Variants in GALNT18 observed in about 807,000 individuals in gnomAD.
GALNT18 encodes GalNAc-transferase 18.
GALNT18 carries 44 observed loss-of-function variants against 69.5 expected under a neutral mutation model. The ratio of observed to expected loss-of-function variants is 0.63; its 90% CI spans 0.50 to 0.81. The LOEUF (loss-of-function observed/expected upper bound fraction) is 0.81, where lower values mean the gene tolerates loss of function less well. GALNT18 is among the 40% of genes least tolerant of loss of function. The pLI, the probability that GALNT18 is intolerant of heterozygous loss-of-function variation, is 0.00. For synonymous variants in GALNT18, 364 were observed against 318.2 expected (o/e 1.14, Z -1.53); for missense variants, 715 against 810.0 (o/e 0.88, Z 1.42).
In GALNT18 at chr11:11,596,936, A is replaced by AT. The variant is rs936266027; in HGVS notation, c.235+24422dup. 5.3e-5 allele frequency among the ~76,000 whole-genome samples: 8 copies of AT among 152,154 alleles called. No individual in the cohort carries two copies. Among genetic ancestry groups the AT allele is most frequent in the South Asian group, 2.1e-4 (1 of 4,814 alleles). On this transcript the variant is annotated intron_variant, in intron 1 of 10. Coordinates refer to ENST00000227756, the MANE Select transcript of GALNT18 (RefSeq NM_198516.3). The surrounding 1 kb of genome is among the most constrained non-coding windows in gnomAD (Gnocchi z 4.2). ...CATTAAGTATGATGTTAGTTGTGGG[A>AT]TTTTTTGTAGATGTTCTTCATCAGG...
At chr11:11,290,432 T>G (rs1849276491) in intron 10 of GALNT18, among the ~76,000 whole-genome samples, 1 of 152,044 alleles carries the variant, frequency 6.6e-6, no homozygotes, top group Non-Finnish European at 1.5e-5. Context: ...TATCCTTATC[T>G]CCCACAGAAT....
At chr11:11,297,482 G>A (rs4075677) in intron 9 of GALNT18, among the ~76,000 whole-genome samples, 22,703 of 152,028 alleles carry the variant, frequency 0.15, 3,119 homozygotes, top group African/African-American at 0.37. Flanking sequence ...AGCCATATGT[G>A]CGACCACTCA....
At chr11:11,490,779 C>T (rs1856754524) in intron 1 of GALNT18, among the ~76,000 whole-genome samples, 1 of 152,212 alleles carries the variant, frequency 6.6e-6, no homozygotes, top group Non-Finnish European at 1.5e-5. Context: ...CCCTGTGCTG[C>T]ATTTGACTTG....
At position 11,592,875 on chromosome 11, in the gene GALNT18, T is replaced by C. The variant is rs571902607; in HGVS notation, c.235+28484A>G. 6.6e-6 allele frequency among the ~76,000 whole-genome samples: 1 copy of C among 152,306 alleles called. No individual in the cohort carries two copies. Among genetic ancestry groups the C allele is most frequent in the African/African-American group, 2.4e-5 (1 of 41,586 alleles). ...CTGGTTACCTTTCTTGTAGATAAAATGCTAAGGGTCAGACCAGAACAGAGG... is the reference window on the plus strand; with the variant it reads ...CTGGTTACCTTTCTTGTAGATAAAACGCTAAGGGTCAGACCAGAACAGAGG... On this transcript the variant is annotated intron_variant, in intron 1 of 10. Transcript: ENST00000227756. The surrounding 1 kb of genome is among the most constrained non-coding windows in gnomAD (Gnocchi z 5.9).
rs188999069 is a variant in GALNT18 at position 11,529,806 on chromosome 11, T to A, written c.236-80870A>T. Among the ~76,000 whole-genome samples the A allele has an allele frequency of 1.1e-4, 17 of 152,248 alleles. No homozygotes were observed. In the East Asian group the frequency reaches 3.3e-3, roughly 29 times the overall value. Reference sequence around the variant, plus strand: ...TGTATGTCTGTGAGTGTCTTAGAGATTGACCACATATGTATGAGTGTGTAT... The same window carrying A: ...TGTATGTCTGTGAGTGTCTTAGAGAATGACCACATATGTATGAGTGTGTAT... On this transcript the variant is annotated intron_variant, in intron 1 of 10. Transcript: ENST00000227756.
In GALNT18 at chr11:11,621,171, C is replaced by A. The variant is rs1860182493; in HGVS notation, c.235+188G>T. ...CACACACGTGTGCCCCGGGGAAGAG[C>A]GCACGGCCGCAGACAGAAGGTCCCG... On this transcript the variant is annotated intron_variant, in intron 1 of 10. Transcript: ENST00000227756. This position sits in a 1 kb window ranked among gnomAD's most constrained non-coding sequence, Gnocchi z 9.3. Among the ~76,000 whole-genome samples, 2 of 152,152 alleles carry A rather than the reference C, an allele frequency of 1.3e-5. No individual in the cohort carries two copies. The highest frequency in any genetic ancestry group is 6.5e-5 in the Admixed American group (1 of 15,286).
At chr11:11,544,749 C>T (rs1475965367) in intron 1 of GALNT18, among the ~76,000 whole-genome samples, 1 of 152,164 alleles carries the variant, frequency 6.6e-6, no homozygotes, top group Admixed American at 6.5e-5. Context: ...ATCACCTGGC[C>T]ACACCCTCCA....
intron 6 of GALNT18, among the ~76,000 whole-genome samples, chr11:11,343,896 A>C (rs1850254036): frequency 1.3e-5 from 2 of 152,134 alleles, no homozygotes; most frequent in Non-Finnish European, 2.9e-5. Context: ...GCCTTTAGAC[A>C]CGGTACAAGG....
In GALNT18 at chr11:11,573,245, T is replaced by A. The variant is rs1317674101; in HGVS notation, c.235+48114A>T. On this transcript the variant is annotated intron_variant, in intron 1 of 10. Transcript: ENST00000227756. The surrounding 1 kb of genome is among the most constrained non-coding windows in gnomAD (Gnocchi z 4.6). Reference sequence around the variant, plus strand: ...TGACATGGATGTCCCAGAGATTCCCTACACACAGCTTTCAATACTGAAGAT... The same window carrying A: ...TGACATGGATGTCCCAGAGATTCCCAACACACAGCTTTCAATACTGAAGAT... Among the ~76,000 whole-genome samples the A allele has an allele frequency of 6.6e-6, 1 of 152,184 alleles. No individual in the cohort carries two copies. Among genetic ancestry groups the A allele is most frequent in the Non-Finnish European group, 1.5e-5 (1 of 68,036 alleles).
chr11:11,446,667 C>A (rs1258282268), intron 2 of GALNT18, among the ~76,000 whole-genome samples: 1 of 152,234 alleles, frequency 6.6e-6, no homozygotes, highest in East Asian at 1.9e-4. Context: ...TCCAGGCCAC[C>A]ACTGCCTCTC....
chr11:11,428,857 T>C (rs1394121817), intron 3 of GALNT18, among the ~76,000 whole-genome samples: 1 of 152,166 alleles, frequency 6.6e-6, no homozygotes, highest in Non-Finnish European at 1.5e-5. Context: ...TGAGGGTAAG[T>C]ATTGTTTCTT....
chr11:11,506,284 GTATTTTGC>G, intron 1 of GALNT18, among the ~76,000 whole-genome samples: 1 of 152,310 alleles, frequency 6.6e-6, no homozygotes, highest in East Asian at 1.9e-4. Context: ...AGCTATTCAT[GTATTTTGC>G]AAAAGAGAAA....
chr11:11,343,285 C>T (rs1850243672), intron 6 of GALNT18, among the ~76,000 whole-genome samples: 1 of 151,978 alleles, frequency 6.6e-6, no homozygotes, highest in South Asian at 2.1e-4. Context: ...GAGGTGGAAG[C>T]TGCAGTGAGC....
chr11:11,420,927 T>TG (rs1005773799), intron 3 of GALNT18, among the ~76,000 whole-genome samples: 14 of 152,138 alleles, frequency 9.2e-5, no homozygotes, highest in Non-Finnish European at 1.5e-4. Context: ...CTTTTTTTTT[T>TG]GTATTTGATT....
intron 3 of GALNT18, among the ~76,000 whole-genome samples, chr11:11,425,061 T>C (rs1209963833): frequency 6.6e-6 from 1 of 152,224 alleles, no homozygotes; most frequent in African/African-American, 2.4e-5. Flanking sequence ...GGCAGGTTTC[T>C]GCCCAATGTA....
At chr11:11,299,859 G>C (rs1849464283) in intron 9 of GALNT18, among the ~76,000 whole-genome samples, 1 of 152,168 alleles carries the variant, frequency 6.6e-6, no homozygotes, top group African/African-American at 2.4e-5. Context: ...AAATGGTTTG[G>C]AGATTCCTTA....
intron 2 of GALNT18, among the ~76,000 whole-genome samples, chr11:11,440,963 G>T (rs999073983): frequency 6.6e-6 from 1 of 152,174 alleles, no homozygotes; most frequent in Non-Finnish European, 1.5e-5. Context: ...CTCGGAAAGT[G>T]GGGAACCAGG....
intron 9 of GALNT18, among the ~76,000 whole-genome samples, chr11:11,312,600 C>A (rs1849689959): frequency 6.6e-6 from 1 of 152,222 alleles, no homozygotes; most frequent in Middle Eastern, 3.4e-3. Context: ...GCAGTTCAAA[C>A]CCATGTTGTT....
chr11:11,489,829 G>A (rs577019580), intron 1 of GALNT18, among the ~76,000 whole-genome samples: 17 of 152,316 alleles, frequency 1.1e-4, no homozygotes, highest in African/African-American at 3.6e-4. Context: ...ATAGGAAACT[G>A]AGACACAGAA....
Sources: allele counts gnomAD v4.1 joint callset (sites outside exome capture counted in the v4.1 genomes callset), GRCh38; gene constraint gnomAD v4.1.1; non-coding constraint Gnocchi (gnomAD v3.1); transcripts MANE v1.5; gene names NCBI Gene and HGNC (gene_info 2026-07-23, HGNC 2026-07-21).